ANKRD44: variants seen among roughly 807,000 people sequenced by gnomAD.
ANKRD44 encodes the protein serine/threonine-protein phosphatase 6 regulatory ankyrin repeat subunit B.
ANKRD44 carries 35 observed loss-of-function variants against 116.0 expected under a neutral mutation model. The observed-to-expected ratio is 0.30, with a 90% CI of 0.23 to 0.40. The LOEUF (loss-of-function observed/expected upper bound fraction) is 0.40, where lower values mean the gene tolerates loss of function less well. ANKRD44 is among the 10% of genes least tolerant of loss of function. The pLI is 1.00. For synonymous variants in ANKRD44, 435 were observed against 461.8 expected (o/e 0.94, Z 0.74); for missense variants, 1,014 against 1,242.6 (o/e 0.82, Z 2.77).
chr2:197,205,292 T>C (rs1051773118), intron 1 of ANKRD44, among the ~76,000 whole-genome samples: 25 of 152,294 alleles, frequency 1.6e-4, no homozygotes, highest in Non-Finnish European at 1.0e-4. Flanking sequence ...AACACTGGAA[T>C]TCTAGTATTC....
At chr2:197,137,816 C>T (rs1271419598) in intron 3 of ANKRD44, among the ~76,000 whole-genome samples, 4 of 152,154 alleles carry the variant, frequency 2.6e-5, no homozygotes, top group Non-Finnish European at 5.9e-5. Flanking sequence ...CTTAATTTAT[C>T]CAGGTTAAAA....
chr2:197,284,746 T>C (rs1228416184), intron 1 of ANKRD44, among the ~76,000 whole-genome samples: 1 of 151,580 alleles, frequency 6.6e-6, no homozygotes, highest in African/African-American at 2.4e-5. Flanking sequence ...ATTAGCCAGG[T>C]GTGGTGGTGT....
At chr2:197,220,988 G>A (rs186272780) in intron 1 of ANKRD44, among the ~76,000 whole-genome samples, 59 of 152,188 alleles carry the variant, frequency 3.9e-4, no homozygotes, top group African/African-American at 1.3e-3. Context: ...AGTGGCTCAC[G>A]CCTGTAATCC....
At chr2:197,012,034 T>C (rs545622994) in intron 18 of ANKRD44, among the ~76,000 whole-genome samples, 86 of 152,344 alleles carry the variant, frequency 5.6e-4, no homozygotes, top group Admixed American at 9.2e-4. Context: ...TCCTGGCTCT[T>C]GCTCCTCATA....
chr2:197,225,364 G>C (rs2125743555), intron 1 of ANKRD44, among the ~76,000 whole-genome samples: 1 of 152,166 alleles, frequency 6.6e-6, no homozygotes, highest in Admixed American at 6.5e-5. Flanking sequence ...TTGTTGTTGA[G>C]ACTGAGTCTC....
intron 1 of ANKRD44, among the ~76,000 whole-genome samples, chr2:197,233,603 A>T (rs2081914691): frequency 6.6e-6 from 1 of 152,202 alleles, no homozygotes. Context: ...CCTGGGCTCA[A>T]GCAATACTTC....
At chr2:197,106,393 C>T (rs2078427728) in intron 9 of ANKRD44, among the ~76,000 whole-genome samples, 2 of 151,236 alleles carry the variant, frequency 1.3e-5, no homozygotes, top group African/African-American at 2.4e-5. Context: ...AGCAGTGAGC[C>T]GAGATCGCAC....
At chr2:197,118,637 G>GAGAGAGAAAGAAAGAAAGAAAGAAAAAA (rs773839262) in intron 8 of ANKRD44, among the ~76,000 whole-genome samples, 10 of 112,356 alleles carry the variant, frequency 8.9e-5, no homozygotes, top group Non-Finnish European at 1.1e-4. Flanking sequence ...GAGAGAGAGA[G>GAGAGAGAAAGAAAGAAAGAAAGAAAAAA]AGAAAGAAAG....
At position 197,256,061 on chromosome 2, in the gene ANKRD44, T is replaced by G. The variant is rs192024154; in HGVS notation, c.27+54517A>C. On this transcript the variant is annotated intron_variant, in intron 1 of 27. Coordinates refer to ENST00000282272, the MANE Select transcript of ANKRD44 (RefSeq NM_001195144.2). ...TAACAGGGGCTGTCTTTTGTATATG[T>G]GGTTTGTGAGAAAATGTGTGATTGA... Among the ~76,000 whole-genome samples the G allele has an allele frequency of 3.3e-3, 498 of 152,342 alleles. 4 individuals are homozygous for G. Among genetic ancestry groups the G allele is most frequent in the African/African-American group, 0.011 (474 of 41,568 alleles).
intron 9 of ANKRD44, among the ~76,000 whole-genome samples, chr2:197,108,475 T>C (rs533956522): frequency 6.6e-6 from 1 of 151,724 alleles, no homozygotes; most frequent in South Asian, 2.1e-4. Context: ...ATGAGAGAGG[T>C]TCTGAAACAA....
At chr2:197,005,394 T>C (rs2076183899) in intron 21 of ANKRD44, among the ~76,000 whole-genome samples, 1 of 152,226 alleles carries the variant, frequency 6.6e-6, no homozygotes, top group African/African-American at 2.4e-5. Flanking sequence ...GGTTATATTA[T>C]ATAGATCAGA....
At chr2:197,210,537 G>A (rs1367977393) in intron 1 of ANKRD44, among the ~76,000 whole-genome samples, 1 of 152,126 alleles carries the variant, frequency 6.6e-6, no homozygotes, top group Non-Finnish European at 1.5e-5. Flanking sequence ...AGACACACTT[G>A]GTACACTCAG....
intron 16 of ANKRD44, chr2:197,028,758 G>A (rs1000005430): frequency 7.4e-5 from 14 of 189,718 alleles, no homozygotes; most frequent in Non-Finnish European, 1.3e-4. Flanking sequence ...TTTTCTGCTG[G>A]TTTCTTTTAA....
At chr2:197,228,830 G>A (rs1323022290) in intron 1 of ANKRD44, among the ~76,000 whole-genome samples, 2 of 152,232 alleles carry the variant, frequency 1.3e-5, no homozygotes, top group Admixed American at 1.3e-4. Flanking sequence ...GAGGTCAGGA[G>A]TTTGAGATCA....
chr2:196,997,982 G>A (rs1317128614), intron 25 of ANKRD44, among the ~76,000 whole-genome samples: 1 of 152,134 alleles, frequency 6.6e-6, no homozygotes, highest in Non-Finnish European at 1.5e-5. Context: ...TACTTTACAA[G>A]CCACATAACT....
chr2:197,083,296 G>A (rs1170863653), intron 14 of ANKRD44, 73 bp downstream of exon 14: 55 of 1,510,046 alleles, frequency 3.6e-5, no homozygotes, highest in Non-Finnish European at 4.8e-5. Flanking sequence ...GCGGTATGAA[G>A]AAAACTTAGC....
intron 3 of ANKRD44, among the ~76,000 whole-genome samples, chr2:197,140,893 A>C (rs1179859255): frequency 1.3e-5 from 2 of 152,162 alleles, no homozygotes; most frequent in Non-Finnish European, 2.9e-5. Flanking sequence ...AGCTTATTGT[A>C]TATCAATTAT....
chr2:197,199,684 C>G lies in ANKRD44; in HGVS notation c.28-12578G>C, dbSNP rs199767924. On this transcript the variant is annotated intron_variant, in intron 1 of 27. Transcript: ENST00000282272. ...CAAATTCTTGGGTTCAAGCGATCCT[C>G]CCACCCAAGTATCTGTAATCCAAGT... 7.9e-5 allele frequency among the ~76,000 whole-genome samples: 12 copies of G among 152,218 alleles called. No homozygotes were observed. The East Asian group carries it at 1.9e-3, about 24-fold the overall frequency.
chr2:197,242,325 G>A (rs1484486034), intron 1 of ANKRD44, among the ~76,000 whole-genome samples: 3 of 152,102 alleles, frequency 2.0e-5, no homozygotes, highest in Non-Finnish European at 2.9e-5. Flanking sequence ...ATTTCAGTTT[G>A]ATAATCACAG....
Sources: gnomAD v4.1 joint callset for allele counts (sites outside exome capture counted in the v4.1 genomes callset) on GRCh38, gnomAD v4.1.1 for gene constraint, MANE v1.5 for transcripts, NCBI Gene and HGNC (gene_info 2026-07-23, HGNC 2026-07-21) for gene names.